The following SDK2 variants were observed in gnomAD, a reference collection of about 807,000 sequenced individuals.
SDK2 encodes the protein sidekick cell adhesion molecule 2.
Under a neutral mutation model 253.9 loss-of-function variants are expected in SDK2, and 105 were observed. The observed-to-expected ratio is 0.41, with a 90% CI of 0.35 to 0.49. SDK2 has a LOEUF of 0.49. Ranked by LOEUF, SDK2 falls within the 20% of genes least tolerant of loss-of-function variation. The pLI is 0.06. For synonymous variants in SDK2, 1,249 were observed against 1,234.9 expected, an observed-to-expected ratio of 1.01 and a Z score of -0.24; for missense variants, 2,608 against 3,003.0, an observed-to-expected ratio of 0.87 and a Z score of 3.07.
chr17:73,524,116 C>T (rs543594517), intron 1 of SDK2, among the ~76,000 whole-genome samples: 1 of 152,288 alleles, frequency 6.6e-6, no homozygotes, highest in East Asian at 1.9e-4. Flanking sequence ...CATGCTTGGG[C>T]CTCCATTTGC....
At chr17:73,500,441 CTCCCTCCATCT>C (rs1179100884) in intron 2 of SDK2, among the ~76,000 whole-genome samples, 3 of 141,636 alleles carry the variant, frequency 2.1e-5, no homozygotes, top group African/African-American at 7.9e-5. Flanking sequence ...TCCATCCATC[CTCCCTCCATCT>C]CCTCCATCCT....
At chr17:73,611,921 G>GC (rs2045979888) in intron 1 of SDK2, among the ~76,000 whole-genome samples, 1 of 152,102 alleles carries the variant, frequency 6.6e-6, no homozygotes, top group Admixed American at 6.5e-5. Flanking sequence ...GCCCAACTCT[G>GC]CGTGGGGAAG....
At chr17:73,403,714 A>G (rs1038375397) in intron 18 of SDK2, among the ~76,000 whole-genome samples, 3 of 152,190 alleles carry the variant, frequency 2.0e-5, no homozygotes, top group African/African-American at 7.2e-5. Context: ...TTGAAATTTA[A>G]TTGGTATTGT....
chr17:73,377,889 G>A (rs2062797092), intron 36 of SDK2, among the ~76,000 whole-genome samples: 1 of 152,098 alleles, frequency 6.6e-6, no homozygotes, highest in Admixed American at 6.6e-5. Context: ...TGGGATTACA[G>A]GTGTGAGCCA....
intron 5 of SDK2, among the ~76,000 whole-genome samples, chr17:73,446,748 C>A (rs530677908): frequency 1.3e-5 from 2 of 152,286 alleles, no homozygotes; most frequent in Admixed American, 1.3e-4. Flanking sequence ...CCTCCCCCAG[C>A]TTGTGTGATG....
intron 18 of SDK2, among the ~76,000 whole-genome samples, chr17:73,411,248 T>C (rs956137065): frequency 6.6e-6 from 1 of 152,202 alleles, no homozygotes; most frequent in African/African-American, 2.4e-5. Context: ...CCCTCCTTTG[T>C]TTGCTTGCAA....
chr17:73,341,628 G>T (rs1436286004), intron 44 of SDK2, among the ~76,000 whole-genome samples: 2 of 152,202 alleles, frequency 1.3e-5, no homozygotes, highest in African/African-American at 4.8e-5. Flanking sequence ...TTTGGGATGG[G>T]GAGCTGTGTC....
intron 16 of SDK2, 128 bp from the exon 17 acceptor site, chr17:73,416,120 T>G (rs2145571915): frequency 1.3e-6 from 1 of 783,986 alleles, no homozygotes; most frequent in South Asian, 2.0e-5. Flanking sequence ...GCACCTGTGC[T>G]GTCCGACAGG....
chr17:73,370,241 TTTA>T (rs2062723373), intron 36 of SDK2, among the ~76,000 whole-genome samples: 1 of 152,082 alleles, frequency 6.6e-6, no homozygotes, highest in Non-Finnish European at 1.5e-5. Context: ...CCTCTCCCCC[TTTA>T]TTATTATTTT....
intron 1 of SDK2, among the ~76,000 whole-genome samples, chr17:73,532,484 T>A (rs1235005317): frequency 6.6e-6 from 1 of 151,920 alleles, no homozygotes; most frequent in Non-Finnish European, 1.5e-5. Flanking sequence ...CAGAGTCAGG[T>A]GGCAGGGGAG....
intron 1 of SDK2, among the ~76,000 whole-genome samples, chr17:73,588,199 C>G: frequency 1.1e-5 from 1 of 91,688 alleles, no homozygotes; most frequent in East Asian, 2.1e-4. Context: ...ATGGAGAGAC[C>G]CCCCCCCCTC....
intron 1 of SDK2, among the ~76,000 whole-genome samples, chr17:73,597,740 G>A (rs1416522394): frequency 1.3e-5 from 2 of 151,808 alleles, no homozygotes; most frequent in Non-Finnish European, 2.9e-5. Context: ...CCGCCTCCCG[G>A]GTTCACGCCA....
chr17:73,483,577 G>GTGTATATATA (rs1238094442), intron 2 of SDK2, among the ~76,000 whole-genome samples: 1 of 137,026 alleles, frequency 7.3e-6, no homozygotes, highest in Non-Finnish European at 1.5e-5. Flanking sequence ...ATATATGTAT[G>GTGTATATATA]TGTATATATA....
At chr17:73,479,226 G>C (rs778503662) in intron 2 of SDK2, among the ~76,000 whole-genome samples, 2 of 152,368 alleles carry the variant, frequency 1.3e-5, no homozygotes, top group East Asian at 3.9e-4. Flanking sequence ...GCCAACACAG[G>C]TTCCAGGAAC....
intron 12 of SDK2, among the ~76,000 whole-genome samples, chr17:73,424,997 A>G (rs943402914): frequency 6.6e-6 from 1 of 152,242 alleles, no homozygotes; most frequent in Non-Finnish European, 1.5e-5. Context: ...AGGTGGGTGT[A>G]TCACCTGAGG....
At chr17:73,470,474 T>A (rs1113020) in intron 3 of SDK2, among the ~76,000 whole-genome samples, 57,017 of 152,062 alleles carry the variant, frequency 0.37, 10,993 homozygotes, top group East Asian at 0.48. Flanking sequence ...AGGCCCAGCC[T>A]CAGCTTCCCC....
rs1001280145 is a variant in SDK2, at chr17:73,505,574, A to G, written c.224+1864T>C. On this transcript the variant is annotated intron_variant, in intron 2 of 44. Transcript: ENST00000392650. ...ATAGCTGGACCTCATCATCATCATC[A>G]TCAATAGCTGGACCTCATCATCGTC... 1.4e-3 allele frequency among the ~76,000 whole-genome samples: 216 copies of G among 150,022 alleles called. 5 individuals are homozygous for G. The highest frequency in any genetic ancestry group is 5.2e-3 in the African/African-American group (207 of 40,130).
At chr17:73,502,803 G>T (rs1285366542) in intron 2 of SDK2, among the ~76,000 whole-genome samples, 3 of 152,190 alleles carry the variant, frequency 2.0e-5, no homozygotes, top group African/African-American at 7.2e-5. Flanking sequence ...TATTCACATA[G>T]TCCCAAGTTA....
rs868480096 is a variant in SDK2 at position 73,415,749 on chromosome 17, A to G, written c.2368+62T>C. 11 of 1,437,132 alleles carry G rather than the reference A, an allele frequency of 7.7e-6. No homozygotes were observed. In the Middle Eastern group the frequency reaches 8.8e-4, roughly 116 times the overall value. The allele number at this position is 1,437,132 out of a possible 1,614,324, so 89.0% of individuals were successfully genotyped here. On this transcript the variant is annotated intron_variant, in intron 17 of 44. Coordinates refer to ENST00000392650, the MANE Select transcript of SDK2 (RefSeq NM_001144952.2). ...AGCAATCCTCCCGTCTTGGCGTCCC[A>G]AAGTGCTAGGATTACACGCATGAGC...
Sources: gnomAD v4.1 joint callset for allele counts (sites outside exome capture counted in the v4.1 genomes callset) on GRCh38, gnomAD v4.1.1 for gene constraint, MANE v1.5 for transcripts, NCBI Gene and HGNC (gene_info 2026-07-23, HGNC 2026-07-21) for gene names.